Variants in CSMD1 observed in about 807,000 individuals in gnomAD.
The protein encoded by CSMD1 is CUB and sushi domain-containing protein 1.
CSMD1 carries 213 observed loss-of-function variants against 417.5 expected under a neutral mutation model. That is an observed-to-expected ratio of 0.51 (90% CI 0.46 to 0.57). The LOEUF (loss-of-function observed/expected upper bound fraction) is 0.57, where lower values mean the gene tolerates loss of function less well. CSMD1 is among the 20% of genes least tolerant of loss of function. The probability of loss-of-function intolerance (pLI) is 0.00; values close to 1 mark genes in which losing one functional copy is unlikely to be tolerated. For synonymous variants in CSMD1, 2,862 were observed against 1,736.8 expected, an observed-to-expected ratio of 1.65 and a Z score of -16.11; for missense variants, 6,923 against 4,529.7, an observed-to-expected ratio of 1.53 and a Z score of -15.17.
intron 41 of CSMD1, among the ~76,000 whole-genome samples, chr8:3,136,064 G>A (rs1229756959): frequency 6.6e-6 from 1 of 151,976 alleles, no homozygotes; most frequent in Non-Finnish European, 1.5e-5. Context: ...ATCAAAGAGG[G>A]CAGACTCATG....
intron 5 of CSMD1, among the ~76,000 whole-genome samples, chr8:3,835,806 G>C (rs909282057): frequency 6.6e-6 from 1 of 151,600 alleles, no homozygotes; most frequent in East Asian, 1.9e-4. Context: ...GTTCCTAAGA[G>C]TAATTTTTCA....
chr8:4,696,622 C>T (rs1038317242), intron 1 of CSMD1, among the ~76,000 whole-genome samples: 9 of 152,138 alleles, frequency 5.9e-5, no homozygotes, highest in Non-Finnish European at 1.0e-4. Context: ...ATCCAAACAA[C>T]GTATTTCATA....
At chr8:3,921,897 C>T (rs1284876728) in intron 5 of CSMD1, among the ~76,000 whole-genome samples, 1 of 152,068 alleles carries the variant, frequency 6.6e-6, no homozygotes, top group Non-Finnish European at 1.5e-5. Flanking sequence ...TCTGTTAGGT[C>T]CATCTGGTCC....
chr8:3,223,677 G>T (rs1798335874), intron 28 of CSMD1, 52 bp downstream of exon 28: 7 of 1,580,256 alleles, frequency 4.4e-6, no homozygotes, highest in Non-Finnish European at 6.1e-6. Context: ...GTAATTTTTA[G>T]GTATGGAATT....
chr8:4,773,593 A>G (rs2117156834), intron 1 of CSMD1, among the ~76,000 whole-genome samples: 1 of 152,278 alleles, frequency 6.6e-6, no homozygotes, highest in Non-Finnish European at 1.5e-5. Context: ...CTATATCAGG[A>G]TACCAAGGAT....
rs997030633 is a variant in CSMD1, at chr8:3,708,415, G to C, written c.1008C>G (p.Val336=). The stretch of plus-strand genomic sequence containing the variant: ...CAGATAGAAAGGAAAGGGACTCACA[G>C]ACAGAGTTTTTATGGCTTCCATCCT... ...PSKDGSHKNS[V]LSQGGVALVS... Residue 336 remains valine, a splice_region_variant and synonymous_variant, in exon 7 of 70, where the codon GTC becomes GTG. Transcript: ENST00000635120. 1 of 1,613,410 alleles carries C rather than the reference G, an allele frequency of 6.2e-7. No homozygotes were observed. Among genetic ancestry groups the C allele is most frequent in the Non-Finnish European group, 8.5e-7 (1 of 1,179,350 alleles).
intron 47 of CSMD1, among the ~76,000 whole-genome samples, chr8:3,092,013 C>G (rs1441430894): frequency 6.6e-6 from 1 of 152,030 alleles, no homozygotes; most frequent in Non-Finnish European, 1.5e-5. Context: ...TCATGTAATA[C>G]TAGTGGAAGC....
intron 5 of CSMD1, among the ~76,000 whole-genome samples, chr8:3,925,449 AATACAG>A: frequency 6.6e-6 from 1 of 152,338 alleles, no homozygotes; most frequent in Non-Finnish European, 1.5e-5. Context: ...TTAAACCTGA[AATACAG>A]TTCAAAAGAT....
chr8:3,373,539 T>G (rs897465554), intron 18 of CSMD1: 3 of 152,226 alleles, frequency 2.0e-5, no homozygotes, highest in African/African-American at 7.2e-5. Context: ...TATTCTCACC[T>G]AAAATTGAAG....
intron 3 of CSMD1, among the ~76,000 whole-genome samples, chr8:4,166,209 C>A (rs1356941710): frequency 3.3e-5 from 5 of 152,134 alleles, no homozygotes; most frequent in African/African-American, 1.2e-4. Flanking sequence ...AGTTTTATGA[C>A]ATATTTCATT....
intron 3 of CSMD1, among the ~76,000 whole-genome samples, chr8:4,162,058 A>G (rs1159905542): frequency 6.6e-6 from 1 of 152,204 alleles, no homozygotes; most frequent in Non-Finnish European, 1.5e-5. Context: ...CTTAATGTCA[A>G]CCTTGATAAG....
intron 11 of CSMD1, among the ~76,000 whole-genome samples, chr8:3,487,013 C>A (rs1391499134): frequency 6.6e-6 from 1 of 152,074 alleles, no homozygotes; most frequent in African/African-American, 2.4e-5. Flanking sequence ...GATCCTGAAC[C>A]TCTCACACAC....
At chr8:3,061,935 T>A (rs1392356381) in intron 49 of CSMD1, among the ~76,000 whole-genome samples, 1 of 152,164 alleles carries the variant, frequency 6.6e-6, no homozygotes, top group African/African-American at 2.4e-5. Context: ...GGGTCAGATA[T>A]CAGAGTAGCT....
chr8:4,465,497 G>C (rs1401980483), intron 2 of CSMD1, among the ~76,000 whole-genome samples: 3 of 152,098 alleles, frequency 2.0e-5, no homozygotes, highest in Admixed American at 1.3e-4. Context: ...CCTCCCAAGA[G>C]GTGACTTAAC....
At chr8:4,820,968 C>G (rs1014982585) in intron 1 of CSMD1, among the ~76,000 whole-genome samples, 2 of 152,082 alleles carry the variant, frequency 1.3e-5, no homozygotes, top group African/African-American at 2.4e-5. Flanking sequence ...TCGTAGTGCT[C>G]AAAAATGGTA....
chr8:4,080,892 A>G (rs1027111918), intron 3 of CSMD1, among the ~76,000 whole-genome samples: 9 of 152,142 alleles, frequency 5.9e-5, no homozygotes, highest in Non-Finnish European at 1.3e-4. Flanking sequence ...CTTAGACCCA[A>G]GGTGATAGTA....
At chr8:4,945,170 C>A (rs548688428) in intron 1 of CSMD1, among the ~76,000 whole-genome samples, 1 of 151,974 alleles carries the variant, frequency 6.6e-6, no homozygotes, top group African/African-American at 2.4e-5. Flanking sequence ...CTGAATGATC[C>A]CAAATACATG....
chr8:3,133,435 T>C lies in CSMD1; in HGVS notation c.6241+9030A>G, dbSNP rs141112222. Among the ~76,000 whole-genome samples the C allele has an allele frequency of 5.0e-3, 756 of 152,286 alleles. 8 individuals are homozygous for C. The highest frequency in any genetic ancestry group is 0.017 in the African/African-American group (712 of 41,576). On this transcript the variant is annotated intron_variant, in intron 41 of 69. Coordinates refer to ENST00000635120, the MANE Select transcript of CSMD1 (RefSeq NM_033225.6). Reference sequence around the variant, plus strand: ...TCTGTCTTGTGTTGGATGCCACTTATAGCAGCTGGGGGTGCCTTGGCCTCA... The same window carrying C: ...TCTGTCTTGTGTTGGATGCCACTTACAGCAGCTGGGGGTGCCTTGGCCTCA...
chr8:4,057,634 C>G lies in CSMD1; in HGVS notation c.416-25535G>C, dbSNP rs867712430. Among the ~76,000 whole-genome samples, 17 of 118,434 alleles carry G rather than the reference C, an allele frequency of 1.4e-4. No individual in the cohort carries two copies. In the South Asian group the frequency reaches 4.8e-3, roughly 33 times the overall value. The allele number at this position is 118,434 out of a possible 152,430, so 77.7% of individuals were successfully genotyped here. On this transcript the variant is annotated intron_variant, in intron 3 of 69. Transcript: ENST00000635120. ...ATGCCTATGTCCTGAATGGTAATGC[C>G]TAGGTTTTCTTCTAGGGTTTTTATA...
Sources: allele counts gnomAD v4.1 joint callset (sites outside exome capture counted in the v4.1 genomes callset), GRCh38; gene constraint gnomAD v4.1.1; transcripts MANE v1.5; gene names NCBI Gene and HGNC (gene_info 2026-07-23, HGNC 2026-07-21).